The following ZNF713 variants were observed in gnomAD, a reference collection of about 807,000 sequenced individuals.
ZNF713 encodes zinc finger protein 713.
ZNF713 carries 21 observed loss-of-function variants against 28.7 expected under a neutral mutation model. That is an observed-to-expected ratio of 0.73 (90% confidence interval 0.52 to 1.05). ZNF713 has a LOEUF of 1.05. Among genes scored for constraint, ZNF713 ranks in the 50% least tolerant of loss-of-function variants. The probability of loss-of-function intolerance (pLI) is 0.00; values close to 1 mark genes in which losing one functional copy is unlikely to be tolerated. For synonymous variants in ZNF713, 167 were observed against 178.0 expected (o/e 0.94, Z 0.49); for missense variants, 458 against 532.4 (o/e 0.86, Z 1.37).
chr7:55,928,322 T>G (rs1396504880), intron 6 of ZNF713, among the ~76,000 whole-genome samples: 2 of 152,196 alleles, frequency 1.3e-5, no homozygotes, highest in Non-Finnish European at 2.9e-5. Flanking sequence ...TGTTAGATTT[T>G]AGGGACTGAA....
chr7:55,895,234 C>T (rs1562734994), intron 1 of ZNF713, among the ~76,000 whole-genome samples: 2 of 151,904 alleles, frequency 1.3e-5, no homozygotes, highest in Admixed American at 6.6e-5. Context: ...AAGATGAAGA[C>T]CAGAAACATT....
chr7:55,914,494 G>A (rs73360305), intron 4 of ZNF713, among the ~76,000 whole-genome samples: 89 of 152,256 alleles, frequency 5.8e-4, no homozygotes, highest in African/African-American at 1.9e-3. Context: ...CACACACAGC[G>A]TGGGGGGCTT....
At chr7:55,931,305 G>A (rs1479051539) in intron 6 of ZNF713, among the ~76,000 whole-genome samples, 1 of 151,922 alleles carries the variant, frequency 6.6e-6, no homozygotes, top group East Asian at 1.9e-4. Flanking sequence ...AATTGAAACA[G>A]AAGTGTTACC....
Position 55,933,081 on chromosome 7 carries a change from C to CA in ZNF713, c.308-5895dup, listed in dbSNP as rs570117078. On this transcript the variant is annotated intron_variant, in intron 6 of 6. Coordinates refer to ENST00000429591, the MANE Select transcript of ZNF713 (RefSeq NM_182633.3). Reference sequence around the variant, plus strand: ...TGAAACCCCATCTCTATTAAAAATACAAAAAATTAGCTGGGCGTGGTGGCA... The same window carrying CA: ...TGAAACCCCATCTCTATTAAAAATACAAAAAAATTAGCTGGGCGTGGTGGCA... Among the ~76,000 whole-genome samples, 403 of 149,932 alleles carry CA rather than the reference C, an allele frequency of 2.7e-3. 7 individuals carry two copies. The South Asian group carries it at 0.038, about 14-fold the overall frequency.
intron 1 of ZNF713, among the ~76,000 whole-genome samples, chr7:55,903,495 C>T (rs1785615964): frequency 6.6e-6 from 1 of 151,784 alleles, no homozygotes; most frequent in Admixed American, 6.6e-5. Flanking sequence ...TATGGTGAAA[C>T]CCCATCTCTG....
intron 1 of ZNF713, among the ~76,000 whole-genome samples, chr7:55,900,235 C>T (rs376147980): frequency 2.4e-4 from 36 of 152,090 alleles, no homozygotes; most frequent in African/African-American, 5.5e-4. Flanking sequence ...TCTGGGAGGC[C>T]GAGGCAGGCG....
intron 1 of ZNF713, among the ~76,000 whole-genome samples, chr7:55,900,541 C>T (rs543802475): frequency 6.6e-5 from 10 of 152,078 alleles, no homozygotes; most frequent in East Asian, 5.8e-4. Flanking sequence ...TTATATTATT[C>T]GTGACAACAT....
intron 1 of ZNF713, among the ~76,000 whole-genome samples, chr7:55,895,346 C>T (rs984299538): frequency 1.3e-5 from 2 of 151,036 alleles, no homozygotes; most frequent in Non-Finnish European, 2.9e-5. Context: ...GGGTTTCAGG[C>T]TTGGTGTTGC....
At chr7:55,895,895 T>C (rs567646234) in intron 1 of ZNF713, among the ~76,000 whole-genome samples, 21 of 152,242 alleles carry the variant, frequency 1.4e-4, no homozygotes, top group Admixed American at 3.3e-4. Context: ...AAAGGTTGAG[T>C]CATTTACCCA....
intron 1 of ZNF713, among the ~76,000 whole-genome samples, chr7:55,901,924 G>A (rs1005596346): frequency 5.9e-5 from 9 of 152,306 alleles, no homozygotes; most frequent in African/African-American, 2.2e-4. Flanking sequence ...GAGCACAGTG[G>A]CTCACGCCTG....
At position 55,938,598 on chromosome 7, in the gene ZNF713, G is replaced by A. The variant is rs190213980; in HGVS notation, c.308-384G>A. Among the ~76,000 whole-genome samples the A allele has an allele frequency of 6.2e-3, 943 of 151,518 alleles. 5 individuals are homozygous for A. The highest frequency in any genetic ancestry group is 0.017 in the African/African-American group (713 of 41,518). On this transcript the variant is annotated intron_variant, in intron 6 of 6. Coordinates refer to ENST00000429591, the MANE Select transcript of ZNF713 (RefSeq NM_182633.3). ...CTGGCATTACAATCAAGTCATTGGC[G>A]TATGAGATTTATAAAGGCCTGGCCT...
intron 2 of ZNF713, among the ~76,000 whole-genome samples, chr7:55,908,129 G>A (rs943566528): frequency 1.6e-5 from 2 of 124,944 alleles, no homozygotes; most frequent in Non-Finnish European, 3.3e-5. Context: ...ACCAACATCC[G>A]TTGTTGTTTT....
intron 1 of ZNF713, among the ~76,000 whole-genome samples, chr7:55,888,072 A>G (rs1028678677): frequency 1.3e-5 from 2 of 152,148 alleles, no homozygotes; most frequent in African/African-American, 4.8e-5. Context: ...AGGCTGAAGA[A>G]AAACTTGCAG....
At chr7:55,932,854 G>T (rs565467014) in intron 6 of ZNF713, among the ~76,000 whole-genome samples, 9 of 123,700 alleles carry the variant, frequency 7.3e-5, no homozygotes, top group African/African-American at 1.6e-4. Context: ...ACTGCAGTCC[G>T]CAGTCCGGCC....
At chr7:55,914,267 A>G (rs564873103) in intron 4 of ZNF713, among the ~76,000 whole-genome samples, 10 of 152,172 alleles carry the variant, frequency 6.6e-5, no homozygotes, top group Non-Finnish European at 1.2e-4. Flanking sequence ...ACCGGTCTCA[A>G]TTGCTTCAGA....
chr7:55,903,687 A>AC (rs1785621236), intron 1 of ZNF713, among the ~76,000 whole-genome samples: 1 of 151,420 alleles, frequency 6.6e-6, no homozygotes, highest in African/African-American at 2.4e-5. Context: ...AACAAAAAAA[A>AC]ACCTACCTGG....
At position 55,923,056 on chromosome 7, in the gene ZNF713, A is replaced by G. The variant is rs912310364; in HGVS notation, c.88-106A>G. Reference sequence around the variant, plus strand: ...TGAACAACTCAGAGTCCTGAAGACTATCAGCACAATGGCTTAGATAACCTG... The same window carrying G: ...TGAACAACTCAGAGTCCTGAAGACTGTCAGCACAATGGCTTAGATAACCTG... On this transcript the variant is annotated intron_variant, in intron 4 of 6. Transcript: ENST00000429591. 52 of 1,272,382 alleles carry G rather than the reference A, an allele frequency of 4.1e-5. No individual in the cohort carries two copies. In the African/African-American group the frequency reaches 7.1e-4, roughly 17 times the overall value. The allele number at this position is 1,272,382 out of a possible 1,614,324, so 78.8% of individuals were successfully genotyped here. A position where few individuals can be genotyped will look rare whatever the true frequency, so the allele number is the denominator to read the frequency against.
intron 4 of ZNF713, among the ~76,000 whole-genome samples, chr7:55,921,396 A>G (rs1385496811): frequency 1.3e-5 from 2 of 152,234 alleles, no homozygotes; most frequent in Non-Finnish European, 2.9e-5. Context: ...GCTGCCGTAG[A>G]TAGTGATTCC....
intron 6 of ZNF713, among the ~76,000 whole-genome samples, chr7:55,927,294 C>T (rs542123029): frequency 2.6e-5 from 4 of 152,078 alleles, no homozygotes; most frequent in South Asian, 2.1e-4. Flanking sequence ...TTTCGGAGAC[C>T]GTGGAAGGAT....
Sources: gnomAD v4.1 joint callset for allele counts (sites outside exome capture counted in the v4.1 genomes callset) on GRCh38, gnomAD v4.1.1 for gene constraint, MANE v1.5 for transcripts, NCBI Gene and HGNC (gene_info 2026-07-23, HGNC 2026-07-21) for gene names.